Variants in RYR2 observed in about 807,000 individuals in gnomAD.
RYR2 encodes the protein cardiac muscle ryanodine receptor-calcium release channel.
In RYR2, 227 loss-of-function variants were observed where a neutral mutation model predicts 601.1. The ratio of observed to expected loss-of-function variants is 0.38; its 90% CI spans 0.34 to 0.42. RYR2 has a LOEUF of 0.42. RYR2 is among the 10% of genes least tolerant of loss of function. RYR2 has a pLI of 1.00. For synonymous variants in RYR2, 2,223 were observed against 2,175.1 expected (o/e 1.02, Z -0.61); for missense variants, 4,646 against 6,156.5 (o/e 0.75, Z 8.21).
At chr1:237,303,767 G>A (rs1572532648) in intron 2 of RYR2, among the ~76,000 whole-genome samples, 3 of 152,090 alleles carry the variant, frequency 2.0e-5, no homozygotes, top group Non-Finnish European at 2.9e-5. Context: ...TTCTCTAGTT[G>A]TTTAACATCT....
At chr1:237,253,163 C>CAAAAAAAA (rs33931680) in intron 1 of RYR2, among the ~76,000 whole-genome samples, 1 of 109,636 alleles carries the variant, frequency 9.1e-6, no homozygotes, top group African/African-American at 3.4e-5. Context: ...GACTCCGTCT[C>CAAAAAAAA]AAAAAAAAAA....
At chr1:237,807,294 C>T (rs1435550127) in intron 99 of RYR2, among the ~76,000 whole-genome samples, 2 of 152,086 alleles carry the variant, frequency 1.3e-5, no homozygotes, top group African/African-American at 4.8e-5. Context: ...ATAAAAGGTC[C>T]GGCACTACTT....
intron 27 of RYR2, among the ~76,000 whole-genome samples, chr1:237,558,874 G>C (rs748663148): frequency 1.8e-4 from 27 of 152,072 alleles, no homozygotes; most frequent in Middle Eastern, 3.4e-3. Context: ...CAAATCTGTT[G>C]TTGAGCCCTC....
At chr1:237,070,071 C>T (rs556141407) in intron 1 of RYR2, among the ~76,000 whole-genome samples, 43 of 133,116 alleles carry the variant, frequency 3.2e-4, no homozygotes, top group Middle Eastern at 0.012. Context: ...TACTGTGTTG[C>T]CCAGGTTGGA....
At position 237,795,869 on chromosome 1, in the gene RYR2, TATATACAC is replaced by T. The variant is rs1558434075; in HGVS notation, c.13956+544_13956+551del. Among the ~76,000 whole-genome samples, 213 of 143,770 alleles carry T rather than the reference TATATACAC, an allele frequency of 1.5e-3. 2 individuals are homozygous for T. Among genetic ancestry groups the T allele is most frequent in the African/African-American group, 5.2e-3 (195 of 37,612 alleles). 94.3% of individuals were successfully genotyped at this position (143,770 alleles called of 152,430 possible). ...ATATATGTATATGTATATATATATATATATACACATATATATATACACACATATATGGA... is the reference window on the plus strand; with the variant it reads ...ATATATGTATATGTATATATATATATATATATATATACACACATATATGGA... On this transcript the variant is annotated intron_variant, in intron 96 of 104. Transcript: ENST00000366574.
intron 3 of RYR2, among the ~76,000 whole-genome samples, chr1:237,337,250 T>TC (rs1553408635): frequency 6.4e-5 from 6 of 93,774 alleles, no homozygotes; most frequent in African/African-American, 2.7e-4. Context: ...AGTATCCATC[T>TC]CAAAAAAAAA....
rs770966060 is a variant in RYR2 at position 237,788,174 on chromosome 1, G to A, written c.13476+39G>A. 9 of 1,505,898 alleles carry A rather than the reference G, an allele frequency of 6.0e-6. No individual in the cohort carries two copies. In the East Asian group the frequency reaches 1.4e-4, roughly 23 times the overall value. The allele number at this position is 1,505,898 out of a possible 1,614,324, so 93.3% of individuals were successfully genotyped here. A position where few individuals can be genotyped will look rare whatever the true frequency, so the allele number is the denominator to read the frequency against. On this transcript the variant is annotated intron_variant, in intron 92 of 104. Coordinates refer to ENST00000366574, the MANE Select transcript of RYR2 (RefSeq NM_001035.3). ...GAATGAATATTGTTACTGATATAGT[G>A]CAATACCGTAATAATTTAGGCTCAG...
intron 24 of RYR2, among the ~76,000 whole-genome samples, chr1:237,524,969 A>G (rs945306748): frequency 6.6e-6 from 1 of 152,148 alleles, no homozygotes; most frequent in Non-Finnish European, 1.5e-5. Context: ...TGTTTGTAAC[A>G]TAGGTATATT....
In RYR2 at chr1:237,517,636, A is replaced by T. The variant is rs1476761454; in HGVS notation, c.2822+5845A>T. On this transcript the variant is annotated intron_variant, in intron 24 of 104. Coordinates refer to ENST00000366574, the MANE Select transcript of RYR2 (RefSeq NM_001035.3). The stretch of plus-strand genomic sequence containing the variant: ...CTCCATGAAGCCAGGAACTATAATT[A>T]AAAAAAAAAAAGGTTTTATTTTTTA... 7.6e-5 allele frequency among the ~76,000 whole-genome samples: 10 copies of T among 131,964 alleles called. 1 individual carries two copies. The highest frequency in any genetic ancestry group is 2.3e-4 in the South Asian group (1 of 4,444). 86.6% of individuals were successfully genotyped at this position (131,964 alleles called of 152,430 possible). A position where few individuals can be genotyped will look rare whatever the true frequency, so the allele number is the denominator to read the frequency against.
At position 237,566,746 on chromosome 1, in the gene RYR2, G is replaced by C. The variant is rs1389917689; in HGVS notation, c.3394G>C (p.Glu1132Gln). ...ACCGGATCAGGAGCTTGGCTCAGATGAACGTGCCTTTGCCTTTGATGGCTT... is the reference window on the plus strand; with the variant it reads ...ACCGGATCAGGAGCTTGGCTCAGATCAACGTGCCTTTGCCTTTGATGGCTT... ...CQPDQELGSD[E>Q]RAFAFDGFKA... The change falls in exon 28 of 105, where the codon GAA becomes CAA. Residue 1132 changes from glutamate (E) to glutamine (Q), a missense_variant. Physicochemically the swap from Glu to Gln is conservative, Grantham distance 29. Around this residue, in one of 17 missense-constraint regions of RYR2, gnomAD observed 1,807 missense variants for 2,088.1 expected, o/e 0.87. Transcript: ENST00000366574. 2 of 1,613,836 alleles carry C rather than the reference G, an allele frequency of 1.2e-6. No homozygotes were observed. Among genetic ancestry groups the C allele is most frequent in the African/African-American group, 2.7e-5 (2 of 74,922 alleles).
At chr1:237,565,209 T>TTTG (rs1358628183) in intron 27 of RYR2, among the ~76,000 whole-genome samples, 1 of 138,828 alleles carries the variant, frequency 7.2e-6, no homozygotes, top group African/African-American at 2.7e-5. Context: ...CTTTCTTTCT[T>TTTG]TCTTTCTTTC....
chr1:237,671,522 T>C (rs559918869), intron 58 of RYR2, among the ~76,000 whole-genome samples: 177 of 143,828 alleles, frequency 1.2e-3, no homozygotes, highest in African/African-American at 3.2e-3. Flanking sequence ...TGTGTGTGCG[T>C]GTGTGTGTGT....
chr1:237,286,500 A>T (rs1187479521), intron 2 of RYR2, among the ~76,000 whole-genome samples: 1 of 60,780 alleles, frequency 1.6e-5, no homozygotes, highest in African/African-American at 6.1e-5. Flanking sequence ...GTTGGATGAA[A>T]TGCTCCGTAT....
At chr1:237,184,119 G>A (rs57938337) in intron 1 of RYR2, among the ~76,000 whole-genome samples, 19,327 of 151,538 alleles carry the variant, frequency 0.13, 1,548 homozygotes, top group African/African-American at 0.23. Context: ...ACCCTTGGGC[G>A]GGGTAAACCC....
In RYR2 at chr1:237,772,066, T is replaced by A; in HGVS notation, c.11612T>A (p.Ile3871Asn). ...QTGNNTTVNI[I>N]ISTVDYLLRV... is the part of the protein sequence containing the mutation. ...GGCAATAATACAACTGTCAACATAA[T>A]TATCTCCACTGTAGACTACCTACTG... Residue 3871 changes from isoleucine (I) to asparagine (N), a missense_variant, in exon 86 of 105, where the codon ATT (isoleucine) becomes AAT (asparagine). Physicochemically the swap from Ile to Asn is moderately radical, Grantham distance 149. Coordinates refer to ENST00000366574, the MANE Select transcript of RYR2 (RefSeq NM_001035.3). 6.4e-7 allele frequency: 1 copy of A among 1,551,120 alleles called. No individual in the cohort carries two copies. The highest frequency in any genetic ancestry group is 8.8e-7 in the Non-Finnish European group (1 of 1,140,378).
intron 94 of RYR2, among the ~76,000 whole-genome samples, chr1:237,793,503 C>T (rs1658709603): frequency 6.6e-6 from 1 of 152,168 alleles, no homozygotes; most frequent in African/African-American, 2.4e-5. Flanking sequence ...GGGAACATTG[C>T]TGCAATTGCT....
At chr1:237,376,520 G>A (rs1701048908) in intron 7 of RYR2, among the ~76,000 whole-genome samples, 2 of 152,168 alleles carry the variant, frequency 1.3e-5, no homozygotes, top group East Asian at 1.9e-4. Flanking sequence ...AAATGATGAC[G>A]GATATCATGA....
At chr1:237,077,720 G>C (rs1229635086) in intron 1 of RYR2, among the ~76,000 whole-genome samples, 2 of 152,076 alleles carry the variant, frequency 1.3e-5, no homozygotes, top group South Asian at 2.1e-4. Flanking sequence ...AGATCAACGA[G>C]ACAGAAAGTC....
chr1:237,252,239 C>T (rs1466015112), intron 1 of RYR2, among the ~76,000 whole-genome samples: 1 of 152,012 alleles, frequency 6.6e-6, no homozygotes, highest in East Asian at 1.9e-4. Flanking sequence ...CACTCATTTC[C>T]TCCTACTCAA....
Sources: allele counts gnomAD v4.1 joint callset (sites outside exome capture counted in the v4.1 genomes callset), GRCh38; gene constraint gnomAD v4.1.1; regional missense constraint gnomAD v4.1.1; transcripts MANE v1.5; gene names NCBI Gene and HGNC (gene_info 2026-07-23, HGNC 2026-07-21).